The following CYP19A1 variants were observed in gnomAD, a reference collection of about 807,000 sequenced individuals.
CYP19A1 encodes the protein cytochrome P450 family 19 subfamily A member 1.
A neutral mutation model predicts 44.4 loss-of-function variants in CYP19A1; 32 were observed. The ratio of observed to expected loss-of-function variants is 0.72; its 90% CI spans 0.54 to 0.97. The LOEUF (loss-of-function observed/expected upper bound fraction) is 0.97, where lower values mean the gene tolerates loss of function less well. CYP19A1 is among the 50% of genes least tolerant of loss of function. The probability of loss-of-function intolerance (pLI) is 0.00; values close to 1 mark genes in which losing one functional copy is unlikely to be tolerated. For synonymous variants in CYP19A1, 212 were observed against 215.6 expected (o/e 0.98, Z 0.14); for missense variants, 598 against 637.8 (o/e 0.94, Z 0.67).
chr15:51,257,445 C>T (rs2034556377), intron 1 of CYP19A1, among the ~76,000 whole-genome samples: 1 of 152,174 alleles, frequency 6.6e-6, no homozygotes, highest in Non-Finnish European at 1.5e-5. Flanking sequence ...CAAGAAGAGC[C>T]ATTCTGGGAT....
intron 1 of CYP19A1, among the ~76,000 whole-genome samples, chr15:51,261,310 G>GGGAGTGGCCCACA (rs2034712705): frequency 1.3e-5 from 2 of 151,922 alleles, no homozygotes; most frequent in East Asian, 1.9e-4. Context: ...AGTGGCCCAC[G>GGGAGTGGCCCACA]ACCATCTTGG....
chr15:51,253,560 C>T (rs937285527), intron 1 of CYP19A1, among the ~76,000 whole-genome samples: 1 of 152,164 alleles, frequency 6.6e-6, no homozygotes. Context: ...CCCCTTCCCA[C>T]CCACACTTCC....
intron 3 of CYP19A1, among the ~76,000 whole-genome samples, chr15:51,236,129 A>G (rs1233917713): frequency 1.3e-5 from 2 of 152,166 alleles, no homozygotes; most frequent in Admixed American, 6.5e-5. Flanking sequence ...ATTTTTTTAA[A>G]TGGGTAATAT....
intron 3 of CYP19A1, among the ~76,000 whole-genome samples, chr15:51,232,442 G>T (rs1244070723): frequency 6.6e-6 from 1 of 152,040 alleles, no homozygotes; most frequent in East Asian, 1.9e-4. Flanking sequence ...TCTGTTGCTA[G>T]TTTCTGACCT....
chr15:51,243,186 G>A (rs991172997), intron 1 of CYP19A1: 3 of 430,636 alleles, frequency 7.0e-6, no homozygotes, highest in South Asian at 4.4e-5. Context: ...TCCTTTAGAC[G>A]CTTGGTCTGA....
At chr15:51,221,637 G>A (rs28757186) in intron 5 of CYP19A1, 182 of 152,278 alleles carry the variant, frequency 1.2e-3, no homozygotes, top group African/African-American at 4.2e-3. Context: ...GTTGCAAATT[G>A]GTTTAATCCT....
chr15:51,215,378 A>G lies in CYP19A1; in HGVS notation c.859-146T>C, dbSNP rs1189662272. 11 of 1,361,276 alleles carry G rather than the reference A, an allele frequency of 8.1e-6. No homozygotes were observed. In the Admixed American group the frequency reaches 2.1e-4, roughly 26 times the overall value. 84.3% of individuals were successfully genotyped at this position (1,361,276 alleles called of 1,614,324 possible). A position where few individuals can be genotyped will look rare whatever the true frequency, so the allele number is the denominator to read the frequency against. On this transcript the variant is annotated intron_variant, in intron 7 of 9. Coordinates refer to ENST00000396402, the MANE Select transcript of CYP19A1 (RefSeq NM_000103.4). ...CTGTGATTGACTGTGGACATTTTACATGACAATCTTTAGCTGAAAGATGAA... is the reference window on the plus strand; with the variant it reads ...CTGTGATTGACTGTGGACATTTTACGTGACAATCTTTAGCTGAAAGATGAA...
intron 1 of CYP19A1, among the ~76,000 whole-genome samples, chr15:51,324,253 G>A (rs957872733): frequency 2.0e-5 from 3 of 152,212 alleles, no homozygotes; most frequent in African/African-American, 7.2e-5. Context: ...GACATTTCTG[G>A]TCATTGCCAA....
At chr15:51,272,197 T>G (rs1490182109) in intron 1 of CYP19A1, among the ~76,000 whole-genome samples, 2 of 152,236 alleles carry the variant, frequency 1.3e-5, no homozygotes, top group African/African-American at 2.4e-5. Flanking sequence ...CCATATCTTT[T>G]CCTATCCTCG....
chr15:51,267,338 G>A (rs1566903482), intron 1 of CYP19A1, among the ~76,000 whole-genome samples: 1 of 152,086 alleles, frequency 6.6e-6, no homozygotes, highest in Non-Finnish European at 1.5e-5. Flanking sequence ...AAAACGCGGG[G>A]CCCCGCGTTC....
chr15:51,211,487 A>G (rs1274608640), intron 9 of CYP19A1, among the ~76,000 whole-genome samples: 1 of 152,222 alleles, frequency 6.6e-6, no homozygotes, highest in Non-Finnish European at 1.5e-5. Flanking sequence ...GCATCTAACT[A>G]TTTGTAGTTA....
At chr15:51,280,530 C>G (rs2035483619) in intron 1 of CYP19A1, among the ~76,000 whole-genome samples, 1 of 152,132 alleles carries the variant, frequency 6.6e-6, no homozygotes, top group Non-Finnish European at 1.5e-5. Context: ...GGTCCTACAC[C>G]TCATTTTGGC....
Position 51,327,811 on chromosome 15 carries a change from G to A in CYP19A1, c.-39+10684C>T, listed in dbSNP as rs112746843. Reference sequence around the variant, plus strand: ...ACACATAACTTGTAACTCTCCTTTTGTTATGCTCAAATGAAACCCATAGAT... The same window carrying A: ...ACACATAACTTGTAACTCTCCTTTTATTATGCTCAAATGAAACCCATAGAT... On this transcript the variant is annotated intron_variant, in intron 1 of 9. Transcript: ENST00000396402. 3.3e-3 allele frequency among the ~76,000 whole-genome samples: 505 copies of A among 151,924 alleles called. 4 individuals carry two copies. The highest frequency in any genetic ancestry group is 0.012 in the African/African-American group (486 of 41,388).
chr15:51,212,395 C>G lies in CYP19A1; in HGVS notation c.1188G>C (p.Leu396=). ...CGAGTCTGTGCATCCTTCCAATATT[C>G]AGGATAATGTTTGTCCCCTTTTTCA... ...YPVKKGTNII[L]NIGRMHRLEF... The change falls in exon 9 of 10, where the codon CTG becomes CTC. Residue 396 remains leucine, a synonymous_variant. Transcript: ENST00000396402. 2 of 1,589,690 alleles carry G rather than the reference C, an allele frequency of 1.3e-6. No homozygotes were observed. Among genetic ancestry groups the G allele is most frequent in the South Asian group, 1.1e-5 (1 of 90,586 alleles).
chr15:51,252,379 G>A (rs936527416), intron 1 of CYP19A1, among the ~76,000 whole-genome samples: 13 of 152,156 alleles, frequency 8.5e-5, no homozygotes, highest in Admixed American at 6.5e-5. Context: ...TGCCTCAGGT[G>A]TCCAATGTCC....
At chr15:51,287,653 C>G (rs746229398) in intron 1 of CYP19A1, among the ~76,000 whole-genome samples, 1 of 152,206 alleles carries the variant, frequency 6.6e-6, no homozygotes, top group Non-Finnish European at 1.5e-5. Flanking sequence ...CAAATGCCCT[C>G]ACCTTCCCTC....
chr15:51,227,940 A>G lies in CYP19A1; in HGVS notation c.297-7T>C. 6.4e-7 allele frequency: 1 copy of G among 1,560,694 alleles called. No homozygotes were observed. The highest frequency in any genetic ancestry group is 8.8e-7 in the Non-Finnish European group (1 of 1,131,364). ...GTGGAACATACTTGAGGACCTGAAA[A>G]GACAGGAAACTTTGGTGTCAATTTT... On this transcript the variant is annotated splice_polypyrimidine_tract_variant and splice_region_variant and intron_variant, in intron 3 of 9. Coordinates refer to ENST00000396402, the MANE Select transcript of CYP19A1 (RefSeq NM_000103.4).
chr15:51,337,060 C>A (rs1237128480), intron 1 of CYP19A1, among the ~76,000 whole-genome samples: 1 of 152,168 alleles, frequency 6.6e-6, no homozygotes, highest in East Asian at 1.9e-4. Flanking sequence ...ACCTCAAAGC[C>A]ATGGTATTCA....
intron 1 of CYP19A1, among the ~76,000 whole-genome samples, chr15:51,317,211 C>T (rs1335769008): frequency 6.6e-6 from 1 of 151,930 alleles, no homozygotes; most frequent in Non-Finnish European, 1.5e-5. Flanking sequence ...ACGCCATTCT[C>T]CTGTCTCAGC....
Sources: allele counts gnomAD v4.1 joint callset (sites outside exome capture counted in the v4.1 genomes callset), GRCh38; gene constraint gnomAD v4.1.1; transcripts MANE v1.5; gene names NCBI Gene and HGNC (gene_info 2026-07-23, HGNC 2026-07-21).